Variants in ZNF804B observed in about 807,000 individuals in gnomAD.
ZNF804B encodes the protein zinc finger protein 804B.
A neutral mutation model predicts 101.4 loss-of-function variants in ZNF804B; 80 were observed. The ratio of observed to expected loss-of-function variants is 0.79; its 90% confidence interval spans 0.66 to 0.95. The LOEUF (loss-of-function observed/expected upper bound fraction) is 0.95, where lower values mean the gene tolerates loss of function less well. Ranked by LOEUF, ZNF804B falls within the 40% of genes least tolerant of loss-of-function variation. The pLI, the probability that ZNF804B is intolerant of heterozygous loss-of-function variation, is 0.00. For synonymous variants in ZNF804B, 622 were observed against 558.8 expected (o/e 1.11, Z -1.59); for missense variants, 1,673 against 1,561.9 (o/e 1.07, Z -1.20).
chr7:88,959,842 C>T (rs1306451252), intron 1 of ZNF804B, among the ~76,000 whole-genome samples: 5 of 151,418 alleles, frequency 3.3e-5, no homozygotes, highest in Non-Finnish European at 7.4e-5. Flanking sequence ...TCATCCATCC[C>T]ATGCCAGGGG....
intron 2 of ZNF804B, among the ~76,000 whole-genome samples, chr7:89,316,006 T>G (rs1279352352): frequency 6.6e-6 from 1 of 152,050 alleles, no homozygotes; most frequent in African/African-American, 2.4e-5. Flanking sequence ...TGTACAATTG[T>G]GTGTGTGTGT....
At chr7:88,794,370 T>TA in intron 1 of ZNF804B, 1 of 1,613,908 alleles carries the variant, frequency 6.2e-7, no homozygotes, top group Non-Finnish European at 8.5e-7. Flanking sequence ...CTTTAGTGCC[T>TA]ACTTTCATAG....
intron 1 of ZNF804B, among the ~76,000 whole-genome samples, chr7:88,916,031 G>T (rs1274889193): frequency 6.6e-6 from 1 of 151,786 alleles, no homozygotes; most frequent in Non-Finnish European, 1.5e-5. Context: ...TTCCTGTAAA[G>T]AAAGCAAAAT....
intron 1 of ZNF804B, among the ~76,000 whole-genome samples, chr7:88,926,979 G>A (rs971562137): frequency 3.3e-5 from 5 of 149,828 alleles, no homozygotes; most frequent in Middle Eastern, 3.5e-3. Flanking sequence ...TTGTACAAGT[G>A]CAGGGCTCCT....
rs374726896 is a variant in ZNF804B at position 88,976,344 on chromosome 7, A to G, written c.108+216260A>G. On this transcript the variant is annotated intron_variant, in intron 1 of 3. Transcript: ENST00000333190. ...GAATTTGTAGATTTCTTTGGTTAGTATTGATATTTTTAACAATATTGTTTC... is the reference window on the plus strand; with the variant it reads ...GAATTTGTAGATTTCTTTGGTTAGTGTTGATATTTTTAACAATATTGTTTC... 2.6e-5 allele frequency among the ~76,000 whole-genome samples: 4 copies of G among 151,528 alleles called. No individual in the cohort carries two copies. In the East Asian group the frequency reaches 5.9e-4, roughly 22 times the overall value.
intron 2 of ZNF804B, among the ~76,000 whole-genome samples, chr7:89,236,189 T>C (rs909995345): frequency 6.6e-6 from 1 of 152,088 alleles, no homozygotes; most frequent in African/African-American, 2.4e-5. Context: ...CCTAATGTGA[T>C]TTGAGGAGAA....
intron 1 of ZNF804B, among the ~76,000 whole-genome samples, chr7:89,041,454 T>C (rs1423204518): frequency 2.0e-5 from 3 of 152,150 alleles, no homozygotes; most frequent in African/African-American, 7.2e-5. Context: ...GGCTTCAGTC[T>C]GCAAGTGCCA....
At chr7:89,181,646 G>A (rs1033079225) in intron 1 of ZNF804B, among the ~76,000 whole-genome samples, 3 of 152,054 alleles carry the variant, frequency 2.0e-5, no homozygotes, top group African/African-American at 4.8e-5. Flanking sequence ...TTAAAACCAG[G>A]TACTGTGATT....
chr7:88,993,040 G>A (rs1793868957), intron 1 of ZNF804B, among the ~76,000 whole-genome samples: 2 of 151,800 alleles, frequency 1.3e-5, no homozygotes, highest in Non-Finnish European at 1.5e-5. Context: ...GAAAAAAGCA[G>A]CACAACATAA....
At chr7:88,796,582 G>T (rs138745443) in intron 1 of ZNF804B, among the ~76,000 whole-genome samples, 4 of 152,148 alleles carry the variant, frequency 2.6e-5, no homozygotes, top group Non-Finnish European at 4.4e-5. Flanking sequence ...TCCTCTCCTG[G>T]TTTCTATGAT....
rs142061111 is a variant in ZNF804B at position 89,256,247 on chromosome 7, A to G, written c.249+37952A>G. Among the ~76,000 whole-genome samples, 1,149 of 152,272 alleles carry G rather than the reference A, an allele frequency of 7.5e-3. 16 individuals carry two copies. Among genetic ancestry groups the G allele is most frequent in the Non-Finnish European group, 8.1e-3 (551 of 68,006 alleles). On this transcript the variant is annotated intron_variant, in intron 2 of 3. Coordinates refer to ENST00000333190, the MANE Select transcript of ZNF804B (RefSeq NM_181646.5). ...AATAGTAAAAAATTGGAAACCACTCAAATAAGCCATTAAAAGGGTCTGGCT... is the reference window on the plus strand; with the variant it reads ...AATAGTAAAAAATTGGAAACCACTCGAATAAGCCATTAAAAGGGTCTGGCT...
At chr7:89,075,263 G>A (rs1020003356) in intron 1 of ZNF804B, among the ~76,000 whole-genome samples, 17 of 152,082 alleles carry the variant, frequency 1.1e-4, no homozygotes, top group African/African-American at 2.2e-4. Context: ...ACGTCTCTAC[G>A]GCAGCCCCTC....
intron 1 of ZNF804B, among the ~76,000 whole-genome samples, chr7:89,083,793 G>A (rs1280480209): frequency 1.3e-5 from 2 of 151,786 alleles, no homozygotes; most frequent in African/African-American, 4.8e-5. Flanking sequence ...GAAAAAGAGT[G>A]TATTTCTTCT....
rs117494562 is a variant in ZNF804B at position 88,949,048 on chromosome 7, T to A, written c.108+188964T>A. On this transcript the variant is annotated intron_variant, in intron 1 of 3. Transcript: ENST00000333190. ...AGAAAGCGTTGGTGTGTTTTTTTTT[T>A]AAATTAACGTCATACATATTTTGAT... Among the ~76,000 whole-genome samples, 655 of 151,986 alleles carry A rather than the reference T, an allele frequency of 4.3e-3. 8 individuals carry two copies. In the East Asian group the frequency reaches 0.046, roughly 11 times the overall value.
chr7:88,922,268 T>A (rs181955827), intron 1 of ZNF804B, among the ~76,000 whole-genome samples: 1 of 152,236 alleles, frequency 6.6e-6, no homozygotes, highest in East Asian at 1.9e-4. Context: ...ATCAGCAGTT[T>A]TGCTGGGAAC....
At chr7:88,901,113 CTT>C (rs1584005993) in intron 1 of ZNF804B, among the ~76,000 whole-genome samples, 1 of 151,632 alleles carries the variant, frequency 6.6e-6, no homozygotes, top group East Asian at 1.9e-4. Flanking sequence ...TGAAAATTGA[CTT>C]TTTTATTCAA....
chr7:89,171,326 T>C (rs867602883), intron 1 of ZNF804B, among the ~76,000 whole-genome samples: 1,478 of 121,370 alleles, frequency 0.012, 28 homozygotes, highest in Non-Finnish European at 0.017. Context: ...CTTCTTCTTC[T>C]TCTTCTTCTT....
At chr7:88,828,097 A>G (rs1264518836) in intron 1 of ZNF804B, among the ~76,000 whole-genome samples, 4 of 152,068 alleles carry the variant, frequency 2.6e-5, no homozygotes, top group African/African-American at 9.7e-5. Context: ...AGAAAATGCC[A>G]AAGTCCTTAC....
At chr7:88,858,204 TCTC>T (rs1263023844) in intron 1 of ZNF804B, among the ~76,000 whole-genome samples, 1 of 152,164 alleles carries the variant, frequency 6.6e-6, no homozygotes, top group Non-Finnish European at 1.5e-5. Context: ...TCTAAATACT[TCTC>T]CTCAAATTAG....
Sources: gnomAD v4.1 joint callset for allele counts (sites outside exome capture counted in the v4.1 genomes callset) on GRCh38, gnomAD v4.1.1 for gene constraint, MANE v1.5 for transcripts, NCBI Gene and HGNC (gene_info 2026-07-23, HGNC 2026-07-21) for gene names.